Variants in FREM1 observed in about 807,000 individuals in gnomAD.
FREM1 encodes the protein FRAS1-related extracellular matrix protein 1.
FREM1 carries 220 observed loss-of-function variants against 210.1 expected under a neutral mutation model. The observed-to-expected ratio is 1.05, with a 90% confidence interval of 0.94 to 1.17. The LOEUF (loss-of-function observed/expected upper bound fraction) is 1.17, where lower values mean the gene tolerates loss of function less well. FREM1 is among the 50% of genes most tolerant of loss of function. The pLI, the probability that FREM1 is intolerant of heterozygous loss-of-function variation, is 0.00. For synonymous variants in FREM1, 1,189 were observed against 980.2 expected (o/e 1.21, Z -3.98); for missense variants, 3,454 against 2,675.5 (o/e 1.29, Z -6.42).
chr9:14,749,661 G>A (rs1563828294), intron 30 of FREM1, among the ~76,000 whole-genome samples: 1 of 152,184 alleles, frequency 6.6e-6, no homozygotes, highest in Non-Finnish European at 1.5e-5. Context: ...ATATTCTCCA[G>A]CTGCTCCCAA....
chr9:14,748,346 T>C, intron 31 of FREM1, 55 bp downstream of exon 31: 1 of 980,520 alleles, frequency 1.0e-6, no homozygotes. Context: ...TAATATCTTC[T>C]GATCCTTTTA....
chr9:14,851,834 A>G (rs1588369449), intron 5 of FREM1, among the ~76,000 whole-genome samples: 1 of 152,204 alleles, frequency 6.6e-6, no homozygotes, highest in East Asian at 1.9e-4. Flanking sequence ...CCAGAAAACC[A>G]GTATTTCTCG....
chr9:14,875,973 G>A (rs1833639389), intron 1 of FREM1, among the ~76,000 whole-genome samples: 1 of 152,212 alleles, frequency 6.6e-6, no homozygotes, highest in African/African-American at 2.4e-5. Context: ...ATCCACAGCA[G>A]TGGCTGCAGA....
At chr9:14,756,593 A>T (rs1040604512) in intron 28 of FREM1, 147 bp from the exon 29 acceptor site, 2 of 553,208 alleles carry the variant, frequency 3.6e-6, no homozygotes, top group African/African-American at 3.9e-5. Context: ...TATATAAGCC[A>T]TTTGGGATCC....
intron 3 of FREM1, among the ~76,000 whole-genome samples, chr9:14,861,516 T>G (rs1830581886): frequency 6.9e-6 from 1 of 145,326 alleles, no homozygotes; most frequent in Admixed American, 6.9e-5. Context: ...TTTTTTTTTT[T>G]TTTTTTTTGA....
At chr9:14,875,429 C>T (rs537275894) in intron 1 of FREM1, among the ~76,000 whole-genome samples, 2 of 152,320 alleles carry the variant, frequency 1.3e-5, no homozygotes, top group Admixed American at 6.5e-5. Flanking sequence ...TTCATTTCAT[C>T]CTCCATCACT....
chr9:14,801,613 T>A, intron 20 of FREM1, 39 bp downstream of exon 20: 2 of 1,371,094 alleles, frequency 1.5e-6, no homozygotes, highest in Non-Finnish European at 2.1e-6. Context: ...AATTATTCAA[T>A]CAACAATAAC....
intron 16 of FREM1, among the ~76,000 whole-genome samples, chr9:14,812,372 T>C (rs1819557199): frequency 6.6e-6 from 1 of 152,180 alleles, no homozygotes; most frequent in South Asian, 2.1e-4. Context: ...TCGTTACTTT[T>C]CAGGAACTCA....
Position 14,747,238 on chromosome 9 carries a change from G to A in FREM1, c.6009+26C>T, listed in dbSNP as rs1026367640. 4.4e-6 allele frequency: 7 copies of A among 1,605,562 alleles called. No individual in the cohort carries two copies. In the Admixed American group the frequency reaches 8.5e-5, roughly 19 times the overall value. On this transcript the variant is annotated intron_variant, in intron 33 of 36. Coordinates refer to ENST00000380880, the MANE Select transcript of FREM1 (RefSeq NM_001379081.2). ...CAGCAAACAACTTGTTATAAGGTGAGTAAGAAGGAACAAAGATTTTCATAC... is the reference window on the plus strand; with the variant it reads ...CAGCAAACAACTTGTTATAAGGTGAATAAGAAGGAACAAAGATTTTCATAC...
At chr9:14,823,364 C>T (rs757778366) in intron 12 of FREM1, 37 bp from the exon 13 acceptor site, 3 of 1,583,140 alleles carry the variant, frequency 1.9e-6, no homozygotes, top group Admixed American at 1.7e-5. Flanking sequence ...TGGGTGCTGA[C>T]TTGCAAGGAT....
rs745395001 is a variant in FREM1 at position 14,812,871 on chromosome 9, G to T, written c.2834C>A (p.Thr945Lys). The change falls in exon 16 of 37, where the codon ACA becomes AAA. Residue 945 changes from threonine (T) to lysine (K), a missense_variant. Thr to Lys is a moderately conservative substitution (Grantham distance 78). Coordinates refer to ENST00000380880, the MANE Select transcript of FREM1 (RefSeq NM_001379081.2). ...QHGVVRRAGV[T>K]VDQFSQRDVI... ...ATCTCTCTGAGAGAACTGATCCACT[G>T]TGACTCCAGCTCTCCTCACCACCCC... is the stretch of plus-strand genomic sequence containing the variant. 1.2e-6 allele frequency: 2 copies of T among 1,613,808 alleles called. No homozygotes were observed. Among genetic ancestry groups the T allele is most frequent in the Non-Finnish European group, 1.7e-6 (2 of 1,179,798 alleles).
chr9:14,806,526 T>A, intron 18 of FREM1, 135 bp downstream of exon 18: 2 of 627,354 alleles, frequency 3.2e-6, no homozygotes, highest in Non-Finnish European at 5.7e-6. Flanking sequence ...AGTGCTGGGA[T>A]TACAGGCATC....
intron 35 of FREM1, among the ~76,000 whole-genome samples, chr9:14,742,803 T>C (rs1486243309): frequency 2.0e-5 from 3 of 152,202 alleles, no homozygotes; most frequent in East Asian, 1.9e-4. Context: ...ATTTTGAAAA[T>C]CTACTTTGGG....
At position 14,797,486 on chromosome 9, in the gene FREM1, C is replaced by T. The variant is rs1588043788; in HGVS notation, c.3839+12G>A. The stretch of plus-strand genomic sequence containing the variant: ...ATAGAAATCTGAAAGGGACTCTTTT[C>T]AGGTAGCTTACTTGCTCAGCATTGG... On this transcript the variant is annotated intron_variant, in intron 21 of 36. Transcript: ENST00000380880. 3 of 1,598,642 alleles carry T rather than the reference C, an allele frequency of 1.9e-6. No individual in the cohort carries two copies. Among genetic ancestry groups the T allele is most frequent in the East Asian group, 2.2e-5 (1 of 44,660 alleles).
intron 20 of FREM1, among the ~76,000 whole-genome samples, 175 bp from the exon 21 acceptor site, chr9:14,797,817 T>G (rs1852731999): frequency 6.6e-6 from 1 of 152,202 alleles, no homozygotes. Context: ...CTTAGCCTAT[T>G]AAAGACTTTT....
intron 19 of FREM1, among the ~76,000 whole-genome samples, chr9:14,803,398 T>A (rs534826355): frequency 3.2e-4 from 48 of 148,586 alleles, no homozygotes; most frequent in African/African-American, 1.2e-3. Flanking sequence ...TCTTCTCTGT[T>A]GCCCAGGCTA....
chr9:14,776,046 CGGTCAGCTGAAGGA>C lies in FREM1; in HGVS notation c.4586_4599del (p.Leu1529ArgfsTer3). On this transcript the variant is annotated frameshift_variant, in exon 25 of 37. Coordinates refer to ENST00000380880, the MANE Select transcript of FREM1 (RefSeq NM_001379081.2). LOFTEE classifies it high-confidence loss of function. ...AGGTTCTCCGCAGGTGTATCAGGGT[CGGTCAGCTGAAGGA>C]GGTCAGGGGAAAGCAGGCCCACGGC... 1 of 1,613,958 alleles carries C rather than the reference CGGTCAGCTGAAGGA, an allele frequency of 6.2e-7. No individual in the cohort carries two copies. Among genetic ancestry groups the C allele is most frequent in the South Asian group, 1.1e-5 (1 of 91,078 alleles).
At chr9:14,824,705 A>C (rs1588188627) in intron 11 of FREM1, 91 bp downstream of exon 11, 1 of 868,112 alleles carries the variant, frequency 1.2e-6, no homozygotes. Flanking sequence ...CAAGTAAACC[A>C]CAGTACTATA....
Position 14,819,370 on chromosome 9 carries a change from C to T in FREM1, c.2410G>A (p.Asp804Asn). 1 of 1,613,716 alleles carries T rather than the reference C, an allele frequency of 6.2e-7. No individual in the cohort carries two copies. Among genetic ancestry groups the T allele is most frequent in the South Asian group, 1.1e-5 (1 of 91,046 alleles). Residue 804 changes from aspartate to asparagine, a missense_variant, in exon 14 of 37, where the codon GAT becomes AAT. By Grantham distance (23) the Asp-to-Asn change is conservative. Coordinates refer to ENST00000380880, the MANE Select transcript of FREM1 (RefSeq NM_001379081.2). ...ATATTGTCCAGCTTGGTATCTGCAT[C>T]AGAAATTAGAATGTGCTCTGTGCTG... Reference protein sequence around the residue: ...IISTEHILISDADTKLDNIDL... With the variant: ...IISTEHILISNADTKLDNIDL...
Sources: gnomAD v4.1 joint callset for allele counts (sites outside exome capture counted in the v4.1 genomes callset) on GRCh38, gnomAD v4.1.1 for gene constraint, MANE v1.5 for transcripts, NCBI Gene and HGNC (gene_info 2026-07-23, HGNC 2026-07-21) for gene names.